The following MAGI2 variants were observed in gnomAD, a reference collection of about 807,000 sequenced individuals.
The protein encoded by MAGI2 is membrane associated guanylate kinase, WW and PDZ domain containing 2.
MAGI2 carries 35 observed loss-of-function variants against 133.3 expected under a neutral mutation model. The ratio of observed to expected loss-of-function variants is 0.26; its 90% confidence interval spans 0.20 to 0.35. The LOEUF is 0.35. Ranked by LOEUF, MAGI2 falls within the 10% of genes least tolerant of loss-of-function variation. The pLI, the probability that MAGI2 is intolerant of heterozygous loss-of-function variation, is 1.00. For missense variants in MAGI2, 1,636 were observed against 1,863.4 expected, an observed-to-expected ratio of 0.88 and a Z score of 2.25; for synonymous variants, 729 against 710.6, an observed-to-expected ratio of 1.03 and a Z score of -0.41.
At chr7:78,823,565 A>G (rs367908974) in intron 2 of MAGI2, among the ~76,000 whole-genome samples, 1 of 140,822 alleles carries the variant, frequency 7.1e-6, no homozygotes, top group East Asian at 2.1e-4. Flanking sequence ...CCTGGGTGAC[A>G]GCGAGACTCC....
intron 20 of MAGI2, among the ~76,000 whole-genome samples, chr7:78,088,849 G>A (rs994108794): frequency 6.6e-6 from 1 of 152,238 alleles, no homozygotes; most frequent in African/African-American, 2.4e-5. Flanking sequence ...GGATTTTGCA[G>A]ATGTGCTTAC....
chr7:78,262,874 T>C (rs1443605314), intron 9 of MAGI2, among the ~76,000 whole-genome samples: 2 of 152,174 alleles, frequency 1.3e-5, no homozygotes, highest in Non-Finnish European at 2.9e-5. Flanking sequence ...GTTTGTTACA[T>C]GGGTATACTG....
At chr7:79,313,278 T>G (rs1395884389) in intron 1 of MAGI2, among the ~76,000 whole-genome samples, 1 of 152,194 alleles carries the variant, frequency 6.6e-6, no homozygotes, top group Non-Finnish European at 1.5e-5. Context: ...ACTCCAGTTA[T>G]AATTAGATTT....
intron 1 of MAGI2, among the ~76,000 whole-genome samples, chr7:79,077,195 T>A (rs1243278688): frequency 6.6e-6 from 1 of 152,156 alleles, no homozygotes; most frequent in African/African-American, 2.4e-5. Context: ...GTGGTTCCTA[T>A]TTCCTAGCCC....
At chr7:79,435,951 C>A (rs1397334222) in intron 1 of MAGI2, among the ~76,000 whole-genome samples, 1 of 151,882 alleles carries the variant, frequency 6.6e-6, no homozygotes, top group Non-Finnish European at 1.5e-5. Context: ...AGTAAAGAGT[C>A]CGGAAATAAA....
chr7:78,078,835 T>C, intron 21 of MAGI2, 112 bp downstream of exon 21: 1 of 1,213,098 alleles, frequency 8.2e-7, no homozygotes. Context: ...TATTGATAGC[T>C]AAATATATAT....
chr7:78,120,820 T>G (rs1312880971), intron 20 of MAGI2, among the ~76,000 whole-genome samples: 2 of 149,840 alleles, frequency 1.3e-5, no homozygotes, highest in South Asian at 4.3e-4. Context: ...GCTAAAACGG[T>G]GAAACCCCGT....
intron 2 of MAGI2, among the ~76,000 whole-genome samples, chr7:78,921,533 A>G (rs1799221840): frequency 6.6e-6 from 1 of 152,176 alleles, no homozygotes; most frequent in Non-Finnish European, 1.5e-5. Flanking sequence ...GCTTCAATCA[A>G]TAAAATGCTT....
chr7:79,168,913 T>G (rs1291564461), intron 1 of MAGI2, among the ~76,000 whole-genome samples: 11 of 11,630 alleles, frequency 9.5e-4, no homozygotes, highest in Non-Finnish European at 1.4e-3. Flanking sequence ...TATATATATA[T>G]ATATATATAT....
At chr7:78,054,722 C>T (rs974430936) in intron 21 of MAGI2, among the ~76,000 whole-genome samples, 5 of 151,558 alleles carry the variant, frequency 3.3e-5, no homozygotes, top group Non-Finnish European at 7.4e-5. Context: ...TGCAGTGGTG[C>T]AATCACGGCT....
At chr7:78,716,763 G>T (rs1423617859) in intron 2 of MAGI2, among the ~76,000 whole-genome samples, 1 of 152,148 alleles carries the variant, frequency 6.6e-6, no homozygotes, top group Non-Finnish European at 1.5e-5. Flanking sequence ...GAGAAAAGTG[G>T]TTCAAGACAG....
intron 1 of MAGI2, among the ~76,000 whole-genome samples, chr7:79,291,665 A>C (rs1188742562): frequency 2.0e-5 from 3 of 152,172 alleles, no homozygotes; most frequent in Non-Finnish European, 4.4e-5. Context: ...ATAATGACTA[A>C]TGATATTGAG....
chr7:79,435,478 T>C (rs1679997944), intron 1 of MAGI2, among the ~76,000 whole-genome samples: 1 of 152,200 alleles, frequency 6.6e-6, no homozygotes, highest in South Asian at 2.1e-4. Context: ...AATTTTTATA[T>C]ATCAATTCTG....
intron 20 of MAGI2, among the ~76,000 whole-genome samples, chr7:78,115,296 T>C (rs560349735): frequency 3.9e-4 from 59 of 150,520 alleles, no homozygotes; most frequent in Admixed American, 5.9e-4. Flanking sequence ...CAAAAGAGAG[T>C]TGAAAAAATA....
At chr7:78,355,409 C>T (rs1791968329) in intron 7 of MAGI2, among the ~76,000 whole-genome samples, 1 of 152,100 alleles carries the variant, frequency 6.6e-6, no homozygotes, top group African/African-American at 2.4e-5. Flanking sequence ...GAATGTCAGC[C>T]TTGTAAAAAA....
chr7:78,184,449 C>T (rs1414070195), intron 13 of MAGI2: 1 of 152,122 alleles, frequency 6.6e-6, no homozygotes, highest in Non-Finnish European at 1.5e-5. Flanking sequence ...ATCTCAGGCA[C>T]ATATATTCTT....
At chr7:79,394,233 C>T (rs151155059) in intron 1 of MAGI2, among the ~76,000 whole-genome samples, 1 of 152,282 alleles carries the variant, frequency 6.6e-6, no homozygotes, top group East Asian at 1.9e-4. Flanking sequence ...CTCTCCTGAA[C>T]ATGTGACCTA....
At chr7:78,851,000 T>C (rs1180054979) in intron 2 of MAGI2, among the ~76,000 whole-genome samples, 1 of 152,128 alleles carries the variant, frequency 6.6e-6, no homozygotes, top group African/African-American at 2.4e-5. Flanking sequence ...TTTGATTGTC[T>C]CAGTACACAG....
chr7:79,101,761 G>A (rs958952029), intron 1 of MAGI2, among the ~76,000 whole-genome samples: 11 of 149,648 alleles, frequency 7.4e-5, no homozygotes, highest in South Asian at 4.2e-4. Context: ...AAAGGAAAAT[G>A]GACTAATGTT....
Sources: allele counts gnomAD v4.1 joint callset (sites outside exome capture counted in the v4.1 genomes callset), GRCh38; gene constraint gnomAD v4.1.1; transcripts MANE v1.5; gene names NCBI Gene and HGNC (gene_info 2026-07-23, HGNC 2026-07-21).